Variants in SNTG2 observed in about 807,000 individuals in gnomAD.
SNTG2 encodes the protein syntrophin gamma 2.
Under a neutral mutation model 70.9 loss-of-function variants are expected in SNTG2, and 74 were observed. The ratio of observed to expected loss-of-function variants is 1.04; its 90% CI spans 0.86 to 1.27. SNTG2 has a LOEUF of 1.27. Ranked by LOEUF, SNTG2 falls within the 50% of genes most tolerant of loss-of-function variation. The pLI, the probability that SNTG2 is intolerant of heterozygous loss-of-function variation, is 0.00. For synonymous variants in SNTG2, 278 were observed against 273.8 expected, an observed-to-expected ratio of 1.02 and a Z score of -0.15; for missense variants, 717 against 690.7, an observed-to-expected ratio of 1.04 and a Z score of -0.43.
chr2:1,317,159 C>T (rs111577146), intron 16 of SNTG2, among the ~76,000 whole-genome samples: 487 of 36,436 alleles, frequency 0.013, 11 homozygotes, highest in African/African-American at 0.046. Flanking sequence ...TTGGAGAAGG[C>T]TGGGATTCTG....
chr2:1,334,756 A>G (rs1659713431), intron 16 of SNTG2, among the ~76,000 whole-genome samples: 1 of 152,144 alleles, frequency 6.6e-6, no homozygotes, highest in Non-Finnish European at 1.5e-5. Context: ...GCAAAGGCAT[A>G]CAAATGATAC....
rs114466615 is a variant in SNTG2, at chr2:1,197,641, G to C, written c.592-11462G>C. Among the ~76,000 whole-genome samples, 252 of 151,646 alleles carry C rather than the reference G, an allele frequency of 1.7e-3. 1 individual carries two copies. The highest frequency in any genetic ancestry group is 6.0e-3 in the African/African-American group (248 of 41,356). On this transcript the variant is annotated intron_variant, in intron 8 of 16. Transcript: ENST00000308624. ...AGCTTCAACCTTCCTGGGCTCAGGT[G>C]ATCCTCCCACCTCCTCCCAAGTATC...
chr2:1,204,854 A>T (rs1344558193), intron 8 of SNTG2, among the ~76,000 whole-genome samples: 1 of 152,184 alleles, frequency 6.6e-6, no homozygotes, highest in Non-Finnish European at 1.5e-5. Flanking sequence ...TCTTTTTTAT[A>T]TTCAAGAAAT....
chr2:1,260,131 G>A (rs1215364822), intron 13 of SNTG2, among the ~76,000 whole-genome samples: 3 of 152,216 alleles, frequency 2.0e-5, no homozygotes, highest in Non-Finnish European at 2.9e-5. Context: ...TTAAATGTAC[G>A]TACCTTTTAG....
chr2:996,606 G>A (rs544444649), intron 1 of SNTG2, among the ~76,000 whole-genome samples: 6 of 145,008 alleles, frequency 4.1e-5, no homozygotes, highest in Non-Finnish European at 6.0e-5. Context: ...ATATGTATAT[G>A]TGTGTATATA....
intron 14 of SNTG2, among the ~76,000 whole-genome samples, chr2:1,273,652 A>T (rs1025555792): frequency 1.3e-5 from 2 of 148,916 alleles, no homozygotes; most frequent in African/African-American, 4.9e-5. Context: ...TATATATATA[A>T]GTATAAACTC....
chr2:1,005,403 G>A (rs1178577233), intron 1 of SNTG2, among the ~76,000 whole-genome samples: 3 of 151,960 alleles, frequency 2.0e-5, no homozygotes, highest in Non-Finnish European at 4.4e-5. Flanking sequence ...TGAAGGGGCT[G>A]TGCACATGTG....
At chr2:1,271,465 C>G (rs1361320611) in intron 14 of SNTG2, among the ~76,000 whole-genome samples, 1 of 151,952 alleles carries the variant, frequency 6.6e-6, no homozygotes, top group Admixed American at 6.6e-5. Flanking sequence ...AAATGTATAT[C>G]TTTCCTAATA....
chr2:978,986 C>G (rs560379217), intron 1 of SNTG2, among the ~76,000 whole-genome samples: 1 of 152,150 alleles, frequency 6.6e-6, no homozygotes, highest in Non-Finnish European at 1.5e-5. Flanking sequence ...AGGCTCCCTG[C>G]GTTGAGGATT....
chr2:1,167,955 A>G (rs28461717), intron 7 of SNTG2, among the ~76,000 whole-genome samples: 9,575 of 63,458 alleles, frequency 0.15, 371 homozygotes, highest in East Asian at 0.36. Context: ...GAAGCCTACA[A>G]GCCGCCCACA....
intron 9 of SNTG2, among the ~76,000 whole-genome samples, chr2:1,219,360 A>G (rs975261349): frequency 2.0e-5 from 3 of 152,174 alleles, no homozygotes; most frequent in Admixed American, 2.0e-4. Flanking sequence ...GTATTTCTCT[A>G]TGGCAGTGTG....
chr2:1,134,763 G>C (rs28603185), intron 4 of SNTG2, among the ~76,000 whole-genome samples: 1 of 152,106 alleles, frequency 6.6e-6, no homozygotes, highest in Non-Finnish European at 1.5e-5. Flanking sequence ...GACTGGGCAC[G>C]GTGGAGCAGG....
At position 1,262,356 on chromosome 2, in the gene SNTG2, C is replaced by T. The variant is rs547671290; in HGVS notation, c.1077+2915C>T. On this transcript the variant is annotated intron_variant, in intron 13 of 16. Coordinates refer to ENST00000308624, the MANE Select transcript of SNTG2 (RefSeq NM_018968.4). ...CCCACCAAGGCTGGGCTCCATCCTTCCACAGGGACAGGAGATGACGCCATC... is the reference window on the plus strand; with the variant it reads ...CCCACCAAGGCTGGGCTCCATCCTTTCACAGGGACAGGAGATGACGCCATC... Among the ~76,000 whole-genome samples the T allele has an allele frequency of 6.6e-5, 10 of 152,278 alleles. No individual in the cohort carries two copies. In the South Asian group the frequency reaches 1.9e-3, roughly 28 times the overall value.
At chr2:1,366,292 C>T (rs1004786011) in intron 16 of SNTG2, among the ~76,000 whole-genome samples, 7 of 152,244 alleles carry the variant, frequency 4.6e-5, no homozygotes, top group South Asian at 2.1e-4. Context: ...GGTGGCAGGA[C>T]GGCAAGATTC....
Position 1,362,254 on chromosome 2 carries a change from C to T in SNTG2, c.1489-5089C>T, listed in dbSNP as rs567001332. 1.1e-3 allele frequency among the ~76,000 whole-genome samples: 167 copies of T among 151,512 alleles called. 1 individual carries two copies. The highest frequency in any genetic ancestry group is 4.5e-3 in the Admixed American group (69 of 15,234). ...ACACTGAGTGTTTCAGTAGAACTTC[C>T]GTGAAAGTCACCGACGCTAAGCATT... On this transcript the variant is annotated intron_variant, in intron 16 of 16. Coordinates refer to ENST00000308624, the MANE Select transcript of SNTG2 (RefSeq NM_018968.4).
chr2:1,029,818 C>A (rs944590927), intron 1 of SNTG2, among the ~76,000 whole-genome samples: 4 of 152,200 alleles, frequency 2.6e-5, no homozygotes, highest in African/African-American at 9.6e-5. Context: ...TCAGTGGTGA[C>A]CTTTTCTCAG....
Position 1,097,077 on chromosome 2 carries a change from AT to A in SNTG2, c.211-1117del, listed in dbSNP as rs1257399848. On this transcript the variant is annotated intron_variant, in intron 2 of 16. Transcript: ENST00000308624. This position sits in a 1 kb window ranked among gnomAD's most constrained non-coding sequence, Gnocchi z 4.1. ...AAGGATCGAAATGGTAAAATTTCCAATTAAAGTATTATTTGCTGTGTCCCCA... is the reference window on the plus strand; with the variant it reads ...AAGGATCGAAATGGTAAAATTTCCAATAAAGTATTATTTGCTGTGTCCCCA... Among the ~76,000 whole-genome samples, 1 of 152,250 alleles carries A rather than the reference AT, an allele frequency of 6.6e-6. No homozygotes were observed. The highest frequency in any genetic ancestry group is 1.5e-5 in the Non-Finnish European group (1 of 68,038).
intron 4 of SNTG2, among the ~76,000 whole-genome samples, chr2:1,110,819 A>G (rs1270385830): frequency 2.0e-5 from 3 of 152,266 alleles, no homozygotes; most frequent in South Asian, 4.1e-4. Context: ...TATATAAGTC[A>G]GATACTATCT....
intron 4 of SNTG2, among the ~76,000 whole-genome samples, chr2:1,136,125 A>C (rs1458119838): frequency 6.6e-6 from 1 of 152,140 alleles, no homozygotes; most frequent in African/African-American, 2.4e-5. Flanking sequence ...TGGAATCCAC[A>C]TATTCTGTGT....
Sources: allele counts gnomAD v4.1 joint callset (sites outside exome capture counted in the v4.1 genomes callset), GRCh38; gene constraint gnomAD v4.1.1; non-coding constraint Gnocchi (gnomAD v3.1); transcripts MANE v1.5; gene names NCBI Gene and HGNC (gene_info 2026-07-23, HGNC 2026-07-21).